Variants in RBL1 observed in about 807,000 individuals in gnomAD.
The protein encoded by RBL1 is retinoblastoma-like protein 1.
Under a neutral mutation model 123.0 loss-of-function variants are expected in RBL1, and 82 were observed. That is an observed-to-expected ratio of 0.67 (90% confidence interval 0.56 to 0.80). The LOEUF (loss-of-function observed/expected upper bound fraction) is 0.80, where lower values mean the gene tolerates loss of function less well. Ranked by LOEUF, RBL1 falls within the 30% of genes least tolerant of loss-of-function variation. The pLI is 0.00. For missense variants in RBL1, 1,171 were observed against 1,299.6 expected (o/e 0.90, Z 1.52); for synonymous variants, 405 against 441.3 (o/e 0.92, Z 1.03).
At chr20:37,056,318 C>A in intron 9 of RBL1, 60 bp from the exon 10 acceptor site, 1 of 1,473,868 alleles carries the variant, frequency 6.8e-7, no homozygotes, top group South Asian at 1.3e-5. Flanking sequence ...ACAAAAAAGA[C>A]TCCACACCAG....
At chr20:37,068,216 A>C in intron 2 of RBL1, 30 bp from the exon 3 acceptor site, 1 of 1,523,698 alleles carries the variant, frequency 6.6e-7, no homozygotes, top group East Asian at 2.4e-5. Context: ...GAAAAAAGGC[A>C]CCTTTAAAAT....
intron 15 of RBL1, among the ~76,000 whole-genome samples, chr20:37,034,507 A>G (rs1405605298): frequency 6.6e-6 from 1 of 151,950 alleles, no homozygotes; most frequent in Non-Finnish European, 1.5e-5. Context: ...ACATGGTAAA[A>G]CCTCATCTGT....
In RBL1 at chr20:37,089,138, C is replaced by T; in HGVS notation, c.157-16G>A. 1 of 1,584,000 alleles carries T rather than the reference C, an allele frequency of 6.3e-7. No individual in the cohort carries two copies. Among genetic ancestry groups the T allele is most frequent in the Non-Finnish European group, 8.6e-7 (1 of 1,163,052 alleles). Reference sequence around the variant, plus strand: ...TAACTTCTCCCTGGCAAGCAAAAGACAAACAGCAAAACAGGTATAATATTA... The same window carrying T: ...TAACTTCTCCCTGGCAAGCAAAAGATAAACAGCAAAACAGGTATAATATTA... On this transcript the variant is annotated splice_polypyrimidine_tract_variant and intron_variant, in intron 1 of 21. Coordinates refer to ENST00000373664, the MANE Select transcript of RBL1 (RefSeq NM_002895.5).
At chr20:37,040,318 T>C in intron 13 of RBL1, 33 bp from the exon 14 acceptor site, 3 of 1,595,648 alleles carry the variant, frequency 1.9e-6, no homozygotes, top group South Asian at 2.3e-5. Flanking sequence ...GATTTACATA[T>C]AGATAAACTT....
intron 15 of RBL1, among the ~76,000 whole-genome samples, chr20:37,033,798 G>A (rs2064555989): frequency 6.6e-6 from 1 of 151,248 alleles, no homozygotes; most frequent in African/African-American, 2.4e-5. Flanking sequence ...TCTATTTTTA[G>A]TAGAGACGGG....
intron 9 of RBL1, among the ~76,000 whole-genome samples, chr20:37,058,124 A>AAC (rs2065039036): frequency 6.9e-6 from 1 of 144,174 alleles, no homozygotes; most frequent in Non-Finnish European, 1.5e-5. Context: ...CTAAAAAAAA[A>AAC]AAAAACAAAA....
intron 16 of RBL1, among the ~76,000 whole-genome samples, chr20:37,026,180 T>A (rs2064417757): frequency 6.6e-6 from 1 of 152,204 alleles, no homozygotes; most frequent in Admixed American, 6.6e-5. Flanking sequence ...AATAAATAGA[T>A]AATCACTATG....
In RBL1 at chr20:37,066,703, AT is replaced by A; in HGVS notation, c.846+20del. The A allele has an allele frequency of 6.3e-7, 1 of 1,590,002 alleles. No homozygotes were observed. The highest frequency in any genetic ancestry group is 1.1e-5 in the South Asian group (1 of 88,484). On this transcript the variant is annotated intron_variant, in intron 6 of 21. Transcript: ENST00000373664. ...CTGGTGATCTGTAAACATCTCAGTC[AT>A]CTAATTATAAGTACAGTACCTTCCT...
intron 20 of RBL1, among the ~76,000 whole-genome samples, chr20:37,004,378 G>A (rs2064036003): frequency 6.7e-6 from 1 of 150,360 alleles, no homozygotes; most frequent in Non-Finnish European, 1.5e-5. Flanking sequence ...CACTATGCCC[G>A]GCCTATTTTC....
chr20:37,047,072 T>C lies in RBL1; in HGVS notation c.1586A>G (p.Gln529Arg). 1 of 1,587,274 alleles carries C rather than the reference T, an allele frequency of 6.3e-7. No homozygotes were observed. The highest frequency in any genetic ancestry group is 1.2e-5 in the South Asian group (1 of 85,352). The change falls in exon 12 of 22, where the codon CAA becomes CGA. Residue 529 changes from glutamine to arginine, a missense_variant. Coordinates refer to ENST00000373664, the MANE Select transcript of RBL1 (RefSeq NM_002895.5). The stretch of plus-strand genomic sequence containing the variant: ...TCTCACCTTATAAAAGTAAAATGGT[T>C]GCAAGTTGAGAACTTCAATAATCCA... ...FPWIIEVLNL[Q>R]PFYFYKVIEV... is the part of the protein sequence containing the mutation.
At chr20:37,014,624 C>A (rs776118571) in intron 19 of RBL1, among the ~76,000 whole-genome samples, 51 of 151,632 alleles carry the variant, frequency 3.4e-4, no homozygotes, top group Admixed American at 3.4e-3. Flanking sequence ...CATGGTGAAA[C>A]CCCATCTCTA....
chr20:37,003,197 A>G (rs1407952254), intron 21 of RBL1, among the ~76,000 whole-genome samples: 12 of 152,220 alleles, frequency 7.9e-5, no homozygotes, highest in Non-Finnish European at 1.2e-4. Flanking sequence ...CATACTGAAC[A>G]TATCTGCTTG....
chr20:37,082,216 C>A (rs1377922244), intron 2 of RBL1, among the ~76,000 whole-genome samples: 1 of 152,204 alleles, frequency 6.6e-6, no homozygotes, highest in African/African-American at 2.4e-5. Flanking sequence ...GCCATCCCCC[C>A]TGCTGGTGAT....
At chr20:37,073,560 T>A (rs2065314323) in intron 2 of RBL1, among the ~76,000 whole-genome samples, 1 of 151,632 alleles carries the variant, frequency 6.6e-6, no homozygotes, top group Non-Finnish European at 1.5e-5. Flanking sequence ...TAGCTAGACT[T>A]GGTAGTGTGC....
At chr20:37,060,151 A>C (rs1444224850) in intron 9 of RBL1, among the ~76,000 whole-genome samples, 1 of 151,794 alleles carries the variant, frequency 6.6e-6, no homozygotes, top group Non-Finnish European at 1.5e-5. Flanking sequence ...CAGCCTGGGC[A>C]ACAAGAGTGA....
intron 14 of RBL1, among the ~76,000 whole-genome samples, chr20:37,038,658 A>G (rs1250822883): frequency 7.6e-6 from 1 of 131,114 alleles, no homozygotes; most frequent in Non-Finnish European, 1.5e-5. Flanking sequence ...GCTGGGGTCC[A>G]GTGGTGTGAT....
chr20:37,002,529 C>A (rs868145978), intron 21 of RBL1, among the ~76,000 whole-genome samples: 1 of 149,702 alleles, frequency 6.7e-6, no homozygotes, highest in African/African-American at 2.5e-5. Context: ...TTTTTAGAGA[C>A]GGGGTTTCAC....
chr20:37,031,040 T>TTTATCTCAAAGTCTCAAAGTCTCAAA (rs1466276011), intron 16 of RBL1, among the ~76,000 whole-genome samples: 2 of 151,958 alleles, frequency 1.3e-5, no homozygotes, highest in Non-Finnish European at 2.9e-5. Context: ...AGTGAGACTC[T>TTTATCTCAAAGTCTCAAAGTCTCAAA]GTCTCAAAAA....
At chr20:37,012,940 AG>A (rs2064186230) in intron 19 of RBL1, among the ~76,000 whole-genome samples, 3 of 148,894 alleles carry the variant, frequency 2.0e-5, no homozygotes, top group Non-Finnish European at 4.5e-5. Context: ...CCCGCCAGCC[AG>A]CCGCCCCGTC....
Sources: allele counts gnomAD v4.1 joint callset (sites outside exome capture counted in the v4.1 genomes callset), GRCh38; gene constraint gnomAD v4.1.1; transcripts MANE v1.5; gene names NCBI Gene and HGNC (gene_info 2026-07-23, HGNC 2026-07-21).